The following CAMK1D variants were observed in gnomAD, a reference collection of about 807,000 sequenced individuals.
CAMK1D encodes the protein calcium/calmodulin-dependent protein kinase type 1D.
CAMK1D carries 9 observed loss-of-function variants against 47.7 expected under a neutral mutation model. The observed-to-expected ratio is 0.19, with a 90% CI of 0.11 to 0.33. The LOEUF (loss-of-function observed/expected upper bound fraction) is 0.33. Ranked by LOEUF, CAMK1D falls within the 10% of genes least tolerant of loss-of-function variation. The probability of loss-of-function intolerance (pLI) is 1.00; values close to 1 mark genes in which losing one functional copy is unlikely to be tolerated. For synonymous variants in CAMK1D, 184 were observed against 184.9 expected (o/e 0.99, Z 0.04); for missense variants, 291 against 488.7 (o/e 0.60, Z 3.81).
intron 1 of CAMK1D, among the ~76,000 whole-genome samples, chr10:12,521,814 A>T (rs1302939995): frequency 6.6e-6 from 1 of 152,132 alleles, no homozygotes; most frequent in East Asian, 1.9e-4. Flanking sequence ...TGGTGAATTT[A>T]TTCTTTTATC....
At chr10:12,518,989 A>C (rs1004568283) in intron 1 of CAMK1D, among the ~76,000 whole-genome samples, 3 of 121,114 alleles carry the variant, frequency 2.5e-5, no homozygotes, top group African/African-American at 9.3e-5. Context: ...GCCCATCCCC[A>C]ATGAGCCGCT....
intron 1 of CAMK1D, among the ~76,000 whole-genome samples, chr10:12,449,145 C>T (rs1588497351): frequency 6.6e-6 from 1 of 152,046 alleles, no homozygotes; most frequent in Non-Finnish European, 1.5e-5. Flanking sequence ...CAAATGTTAC[C>T]TGGGCCGATG....
chr10:12,453,797 G>C (rs1194832393), intron 1 of CAMK1D, among the ~76,000 whole-genome samples: 1 of 152,156 alleles, frequency 6.6e-6, no homozygotes, highest in Non-Finnish European at 1.5e-5. Flanking sequence ...TTTTATCATG[G>C]AGCCTTGCCT....
At chr10:12,611,458 G>T (rs1054385733) in intron 2 of CAMK1D, among the ~76,000 whole-genome samples, 9 of 152,108 alleles carry the variant, frequency 5.9e-5, no homozygotes, top group Admixed American at 5.9e-4. Context: ...CTGCTTCCAG[G>T]TGAGGAAGCT....
intron 8 of CAMK1D, among the ~76,000 whole-genome samples, chr10:12,821,573 C>T (rs1833012057): frequency 1.3e-5 from 2 of 152,284 alleles, no homozygotes; most frequent in East Asian, 1.9e-4. Flanking sequence ...CACAAAACCA[C>T]GAAAGGCAGG....
At chr10:12,698,281 G>A (rs1777546166) in intron 3 of CAMK1D, among the ~76,000 whole-genome samples, 1 of 152,198 alleles carries the variant, frequency 6.6e-6, no homozygotes, top group South Asian at 2.1e-4. Flanking sequence ...GACATTTACA[G>A]TTACCATGTA....
chr10:12,484,262 G>A (rs948283262), intron 1 of CAMK1D, among the ~76,000 whole-genome samples: 2 of 152,156 alleles, frequency 1.3e-5, no homozygotes, highest in African/African-American at 4.8e-5. Context: ...TTCCGGCCCC[G>A]CCTGCTCTGC....
chr10:12,479,617 C>T (rs947779552), intron 1 of CAMK1D, among the ~76,000 whole-genome samples: 1 of 152,244 alleles, frequency 6.6e-6, no homozygotes, highest in Non-Finnish European at 1.5e-5. Flanking sequence ...GACAGGGACT[C>T]TCACCTGGGC....
At chr10:12,823,599 G>A (rs1833092562) in intron 8 of CAMK1D, among the ~76,000 whole-genome samples, 1 of 151,956 alleles carries the variant, frequency 6.6e-6, no homozygotes, top group Non-Finnish European at 1.5e-5. Context: ...GACAGCAGAG[G>A]GAGGAAAGAG....
intron 2 of CAMK1D, among the ~76,000 whole-genome samples, chr10:12,560,418 T>C (rs1223540247): frequency 6.6e-6 from 1 of 151,068 alleles, no homozygotes; most frequent in African/African-American, 2.4e-5. Context: ...TCGGGCATGG[T>C]GGTGGGCGCC....
chr10:12,419,972 T>C (rs78506225), intron 1 of CAMK1D, among the ~76,000 whole-genome samples: 13 of 151,778 alleles, frequency 8.6e-5, no homozygotes, highest in Admixed American at 8.5e-4. Context: ...TTTTTTTTTT[T>C]CTCTTGAGAC....
intron 1 of CAMK1D, among the ~76,000 whole-genome samples, chr10:12,424,200 C>T (rs971229833): frequency 6.6e-6 from 1 of 152,106 alleles, no homozygotes; most frequent in South Asian, 2.1e-4. Flanking sequence ...TCCTGGATAC[C>T]TCTAAGTCAG....
intron 3 of CAMK1D, among the ~76,000 whole-genome samples, chr10:12,688,522 C>G (rs1471777036): frequency 1.3e-5 from 2 of 151,648 alleles, no homozygotes; most frequent in African/African-American, 4.8e-5. Context: ...TTTTTTCTTG[C>G]CATGTTTGCA....
At chr10:12,430,569 A>C (rs373165356) in intron 1 of CAMK1D, among the ~76,000 whole-genome samples, 2 of 152,190 alleles carry the variant, frequency 1.3e-5, no homozygotes, top group Non-Finnish European at 2.9e-5. Context: ...GAGGCAGTAC[A>C]TTGCTGATTT....
At chr10:12,448,653 A>T (rs962776843) in intron 1 of CAMK1D, among the ~76,000 whole-genome samples, 11 of 152,058 alleles carry the variant, frequency 7.2e-5, no homozygotes, top group Non-Finnish European at 1.3e-4. Context: ...AGTGAAAAAC[A>T]TTTTTTCGAC....
chr10:12,693,307 G>C (rs1487563002), intron 3 of CAMK1D, among the ~76,000 whole-genome samples: 1 of 152,138 alleles, frequency 6.6e-6, no homozygotes, highest in Non-Finnish European at 1.5e-5. Flanking sequence ...AGAGGTCGCA[G>C]TGAGCTGAGA....
intron 1 of CAMK1D, among the ~76,000 whole-genome samples, chr10:12,372,697 C>T (rs575342168): frequency 7.2e-5 from 11 of 152,280 alleles, no homozygotes; most frequent in South Asian, 6.2e-4. Flanking sequence ...CTCGTGATCA[C>T]GGCTCACTGC....
At chr10:12,621,050 G>A (rs1838982046) in intron 2 of CAMK1D, among the ~76,000 whole-genome samples, 2 of 152,314 alleles carry the variant, frequency 1.3e-5, no homozygotes, top group Middle Eastern at 3.4e-3. Context: ...ATAAGAGGCT[G>A]TCTTTCTCCA....
chr10:12,683,279 G>A (rs764544353), intron 3 of CAMK1D, among the ~76,000 whole-genome samples: 1 of 151,998 alleles, frequency 6.6e-6, no homozygotes, highest in Non-Finnish European at 1.5e-5. Context: ...TAGAGATGGG[G>A]TTTCGCCATA....
Sources: gnomAD v4.1 joint callset for allele counts (sites outside exome capture counted in the v4.1 genomes callset) on GRCh38, gnomAD v4.1.1 for gene constraint, MANE v1.5 for transcripts, NCBI Gene and HGNC (gene_info 2026-07-23, HGNC 2026-07-21) for gene names.